The following CFAP99 variants were observed in gnomAD, a reference collection of about 807,000 sequenced individuals.
The protein encoded by CFAP99 is cilia- and flagella-associated protein 99.
Under a neutral mutation model 82.7 loss-of-function variants are expected in CFAP99, and 84 were observed. The observed-to-expected ratio is 1.02, with a 90% confidence interval of 0.85 to 1.22. The LOEUF is 1.22. CFAP99 is among the 50% of genes most tolerant of loss of function. CFAP99 has a pLI of 0.00. For missense variants in CFAP99, 1,059 were observed against 983.5 expected, an observed-to-expected ratio of 1.08 and a Z score of -1.03; for synonymous variants, 456 against 429.5, an observed-to-expected ratio of 1.06 and a Z score of -0.76.
At chr4:2,441,499 A>G (rs565375930) in intron 4 of CFAP99, among the ~76,000 whole-genome samples, 4 of 152,272 alleles carry the variant, frequency 2.6e-5, no homozygotes, top group East Asian at 1.9e-4. Flanking sequence ...CCCAGGACAG[A>G]GTGCTCAGGG....
At chr4:2,451,858 G>A (rs1299644961) in intron 10 of CFAP99, among the ~76,000 whole-genome samples, 3 of 152,132 alleles carry the variant, frequency 2.0e-5, no homozygotes, top group Non-Finnish European at 4.4e-5. Context: ...GATGGACACA[G>A]GGTTGGTGGA....
At chr4:2,447,817 GAT>G (rs1578476938) in intron 6 of CFAP99, among the ~76,000 whole-genome samples, 1 of 143,766 alleles carries the variant, frequency 7.0e-6, no homozygotes, top group African/African-American at 2.6e-5. Flanking sequence ...TTAATGGATG[GAT>G]GGGTGGGTGG....
At chr4:2,426,870 C>T (rs1733695855) in intron 2 of CFAP99, 1 of 385,796 alleles carries the variant, frequency 2.6e-6, no homozygotes, top group Admixed American at 3.7e-5. Flanking sequence ...AAGGGTCAGC[C>T]CTGGAGCGCC....
In CFAP99 at chr4:2,462,463, T is replaced by C; in HGVS notation, c.1682T>C (p.Leu561Pro). The change falls in exon 15 of 15, where the codon CTT (leucine) becomes CCT (proline). Residue 561 changes from leucine (L) to proline (P), a missense_variant. Coordinates refer to ENST00000635017, the Ensembl canonical transcript of CFAP99. This position sits in a 1 kb window ranked among gnomAD's most constrained non-coding sequence, Gnocchi z 4.1. ...GCCAGGTGGGAGGAAAAGAAGGCCC[T>C]TGCGGCGGCCCCGGCGGCGCCCTCG... 1.4e-6 allele frequency: 2 copies of C among 1,465,584 alleles called. No individual in the cohort carries two copies. The highest frequency in any genetic ancestry group is 1.8e-6 in the Non-Finnish European group (2 of 1,118,796). 90.8% of individuals were successfully genotyped at this position (1,465,584 alleles called of 1,614,324 possible).
chr4:2,449,740 G>A lies in CFAP99; in HGVS notation c.713G>A (p.Arg238Gln), dbSNP rs202084436. ...GAGACAGTCAAGAGGTACAACCGCC[G>A]AAAGGCCGAGGTGAGCTGTGTGCGA... is the stretch of plus-strand genomic sequence containing the variant. The change falls in exon 7 of 15, where the codon CGA (arginine) becomes CAA (glutamine). Residue 238 changes from arginine to glutamine, a missense_variant. Coordinates refer to ENST00000635017, the Ensembl canonical transcript of CFAP99. The A allele has an allele frequency of 4.8e-3, 7,366 of 1,536,182 alleles. 21 individuals carry two copies. The highest frequency in any genetic ancestry group is 5.9e-3 in the Non-Finnish European group (6,755 of 1,146,916).
chr4:2,456,224 G>A (rs1178362300), intron 11 of CFAP99, among the ~76,000 whole-genome samples: 3 of 151,782 alleles, frequency 2.0e-5, no homozygotes, highest in Admixed American at 6.6e-5. Context: ...TGGGAGATGC[G>A]GTTTTGCCAT....
At chr4:2,452,402 C>A in intron 11 of CFAP99, 56 bp downstream of exon 11, 1 of 1,505,690 alleles carries the variant, frequency 6.6e-7, no homozygotes, top group Non-Finnish European at 8.9e-7. Flanking sequence ...TGTGTGCCCA[C>A]CGGGAGCTGC....
rs1053729255 is a variant in CFAP99 at position 2,462,378 on chromosome 4, G to A, written c.1662-65G>A. ...GCCCCCGCGTCGCTTGGACACGGGT[G>A]GCATCCTGGGTCTGGCCTGGGCCTC... On this transcript the variant is annotated intron_variant, in intron 14 of 14. Transcript: ENST00000635017. The surrounding 1 kb of genome is among the most constrained non-coding windows in gnomAD (Gnocchi z 4.1). 5 of 1,354,332 alleles carry A rather than the reference G, an allele frequency of 3.7e-6. No individual in the cohort carries two copies. In the East Asian group the frequency reaches 1.3e-4, roughly 34 times the overall value. 83.9% of individuals were successfully genotyped at this position (1,354,332 alleles called of 1,614,324 possible).
At chr4:2,438,218 C>T in intron 4 of CFAP99, 54 bp downstream of exon 4, 1 of 987,566 alleles carries the variant, frequency 1.0e-6, no homozygotes, top group Non-Finnish European at 1.5e-6. Flanking sequence ...TGAGGTCCGT[C>T]TGATCCTCGC....
At chr4:2,452,043 C>T (rs1028338426) in intron 10 of CFAP99, 99 bp from the exon 11 acceptor site, 41 of 1,254,130 alleles carry the variant, frequency 3.3e-5, no homozygotes, top group Admixed American at 3.0e-4. Context: ...TAGCAGCCCA[C>T]GCCTGCGCAG....
In CFAP99 at chr4:2,462,487, C is replaced by A; in HGVS notation, c.1706C>A (p.Ser569Ter). ...CTTGCGGCGGCCCCGGCGGCGCCCT[C>A]GCAGGACGAGCGCGTGCAGCAGCTG... The change falls in exon 15 of 15, where the codon TCG (serine) becomes TAG (stop). Residue 569 changes from serine to a stop codon, truncating the protein, a stop_gained. Transcript: ENST00000635017. LOFTEE classifies it low-confidence loss of function (END_TRUNC). This position sits in a 1 kb window ranked among gnomAD's most constrained non-coding sequence, Gnocchi z 4.1. 6.8e-7 allele frequency: 1 copy of A among 1,474,776 alleles called. No individual in the cohort carries two copies. Among genetic ancestry groups the A allele is most frequent in the Non-Finnish European group, 8.9e-7 (1 of 1,122,396 alleles). The allele number at this position is 1,474,776 out of a possible 1,614,324, so 91.4% of individuals were successfully genotyped here.
intron 6 of CFAP99, among the ~76,000 whole-genome samples, chr4:2,449,266 G>A (rs948485596): frequency 3.9e-5 from 6 of 152,064 alleles, no homozygotes; most frequent in Non-Finnish European, 7.4e-5. Flanking sequence ...GCAGGGGTCC[G>A]TGATATTCTC....
chr4:2,435,158 G>C (rs1034964248), intron 2 of CFAP99, among the ~76,000 whole-genome samples: 11 of 152,030 alleles, frequency 7.2e-5, no homozygotes, highest in African/African-American at 2.7e-4. Flanking sequence ...TTAGCCAGGC[G>C]TGGGTGGCTG....
intron 2 of CFAP99, among the ~76,000 whole-genome samples, chr4:2,434,272 G>A (rs1419336546): frequency 2.6e-5 from 4 of 152,206 alleles, no homozygotes; most frequent in Non-Finnish European, 4.4e-5. Context: ...TGGGGTATCC[G>A]TTTGGCAATC....
At position 2,435,421 on chromosome 4, in the gene CFAP99, A is replaced by C. The variant is rs1733886724; in HGVS notation, c.112-1453A>C. ...AATATTTTATACAAAGTTAAAAGGC[A>C]AATTAAAAACTTACAACAAATAACT... is the stretch of plus-strand genomic sequence containing the variant. On this transcript the variant is annotated intron_variant, in intron 2 of 14. Transcript: ENST00000635017. 2.0e-5 allele frequency among the ~76,000 whole-genome samples: 3 copies of C among 152,208 alleles called. No individual in the cohort carries two copies. The South Asian group carries it at 6.2e-4, about 31-fold the overall frequency.
At chr4:2,447,076 T>A (rs1734181778) in intron 6 of CFAP99, among the ~76,000 whole-genome samples, 1 of 145,526 alleles carries the variant, frequency 6.9e-6, no homozygotes, top group East Asian at 2.1e-4. Context: ...AGATGGATAG[T>A]CGGAAGGATG....
At chr4:2,459,499 C>T (rs776727947) in intron 13 of CFAP99, among the ~76,000 whole-genome samples, 70 of 152,212 alleles carry the variant, frequency 4.6e-4, no homozygotes, top group South Asian at 1.0e-3. Flanking sequence ...CTGGGGGTGG[C>T]CAAGGTGGGC....
At chr4:2,421,696 C>A (rs575472580) in intron 1 of CFAP99, among the ~76,000 whole-genome samples, 53 of 152,072 alleles carry the variant, frequency 3.5e-4, no homozygotes, top group African/African-American at 1.2e-3. Flanking sequence ...ATAGTCAAGT[C>A]CTGATCAATG....
At chr4:2,449,157 A>G (rs1339754769) in intron 6 of CFAP99, among the ~76,000 whole-genome samples, 2 of 152,030 alleles carry the variant, frequency 1.3e-5, no homozygotes, top group Admixed American at 1.3e-4. Flanking sequence ...CTTCATGGAC[A>G]CAGCTCCGGC....
Sources: allele counts gnomAD v4.1 joint callset (sites outside exome capture counted in the v4.1 genomes callset), GRCh38; gene constraint gnomAD v4.1.1; non-coding constraint Gnocchi (gnomAD v3.1); transcripts MANE v1.5; gene names NCBI Gene and HGNC (gene_info 2026-07-23, HGNC 2026-07-21).